NPAS1: variants seen among roughly 807,000 people sequenced by gnomAD.
NPAS1 encodes the protein neuronal PAS domain protein 1.
NPAS1 carries 29 observed loss-of-function variants against 49.2 expected under a neutral mutation model. The observed-to-expected ratio is 0.59, with a 90% confidence interval of 0.44 to 0.80. The LOEUF (loss-of-function observed/expected upper bound fraction) is 0.80. Ranked by LOEUF, NPAS1 falls within the 30% of genes least tolerant of loss-of-function variation. The probability of loss-of-function intolerance (pLI) is 0.00; values close to 1 mark genes in which losing one functional copy is unlikely to be tolerated. For synonymous variants in NPAS1, 408 were observed against 380.4 expected (o/e 1.07, Z -0.84); for missense variants, 825 against 835.5 (o/e 0.99, Z 0.15).
chr19:47,044,071 A>AATTT (rs146527620), intron 11 of NPAS1, among the ~76,000 whole-genome samples: 7,955 of 152,054 alleles, frequency 0.052, 645 homozygotes, highest in African/African-American at 0.18. Context: ...GTCTCAAACA[A>AATTT]ATTTATTTAT....
chr19:47,032,430 C>T, intron 4 of NPAS1, 79 bp downstream of exon 4: 1 of 1,459,912 alleles, frequency 6.8e-7, no homozygotes, highest in Non-Finnish European at 9.6e-7. Flanking sequence ...GCCTCTTCAG[C>T]ATCCATCTAT....
intron 3 of NPAS1, among the ~76,000 whole-genome samples, chr19:47,027,889 TG>T (rs2056884337): frequency 6.6e-6 from 1 of 151,924 alleles, no homozygotes; most frequent in Admixed American, 6.6e-5. Flanking sequence ...CTGCTGAATG[TG>T]GGGGACAGAG....
At chr19:47,045,101 G>A in intron 11 of NPAS1, 90 bp from the exon 12 acceptor site, 1 of 1,243,620 alleles carries the variant, frequency 8.0e-7, no homozygotes, top group Non-Finnish European at 1.1e-6. Context: ...GAGAACTACA[G>A]GTCTGGCCCA....
chr19:47,039,384 C>T, intron 7 of NPAS1, 23 bp from the exon 8 acceptor site: 2 of 1,611,096 alleles, frequency 1.2e-6, no homozygotes, highest in Non-Finnish European at 1.7e-6. Context: ...TGTCCCTCCT[C>T]CAACCATGCC....
At chr19:47,023,276 A>G (rs1280560338) in intron 3 of NPAS1, among the ~76,000 whole-genome samples, 1 of 151,434 alleles carries the variant, frequency 6.6e-6, no homozygotes, top group Non-Finnish European at 1.5e-5. Context: ...AGGGGGGGAA[A>G]GGGGGGGCTA....
chr19:47,044,255 T>A (rs923251175), intron 11 of NPAS1, among the ~76,000 whole-genome samples: 3 of 152,096 alleles, frequency 2.0e-5, no homozygotes, highest in Admixed American at 1.3e-4. Flanking sequence ...GTATTTTTAG[T>A]AGAGACAGTG....
intron 3 of NPAS1, among the ~76,000 whole-genome samples, chr19:47,030,636 CTTTTTTTTTTTTTTTTTTT>C (rs55931402): frequency 1.0e-5 from 1 of 96,788 alleles, no homozygotes; most frequent in Non-Finnish European, 2.0e-5. Context: ...GGCCCTTTGC[CTTTTTTTTTTTTTTTTTTT>C]TTTTTTTTTT....
chr19:47,032,877 A>G (rs2056917456), intron 5 of NPAS1, 145 bp downstream of exon 5: 1 of 636,736 alleles, frequency 1.6e-6, no homozygotes, highest in African/African-American at 1.8e-5. Context: ...GTTCCTTGGC[A>G]CCCCACATGG....
chr19:47,021,012 C>G lies in NPAS1; in HGVS notation c.-36C>G, dbSNP rs1011164907. Reference sequence around the variant, plus strand: ...TGGCCCCCTCCCGCTGCAGGAGACTCGGGGCTCGGAGCCCGCCTGAGCGAG... The same window carrying G: ...TGGCCCCCTCCCGCTGCAGGAGACTGGGGGCTCGGAGCCCGCCTGAGCGAG... On this transcript the variant is annotated 5_prime_UTR_variant, in exon 2 of 12. Transcript: ENST00000602212. The surrounding 1 kb of genome is among the most constrained non-coding windows in gnomAD (Gnocchi z 5.7). 6 of 1,568,622 alleles carry G rather than the reference C, an allele frequency of 3.8e-6. No homozygotes were observed. In the African/African-American group the frequency reaches 8.2e-5, roughly 21 times the overall value.
chr19:47,023,978 G>T (rs1420926695), intron 3 of NPAS1, among the ~76,000 whole-genome samples: 1 of 152,024 alleles, frequency 6.6e-6, no homozygotes, highest in Non-Finnish European at 1.5e-5. Context: ...GGTGGTGTGT[G>T]CCTGTAGTCC....
rs1294457512 is a variant in NPAS1, at chr19:47,041,028, G to A, written c.1120G>A (p.Ala374Thr). 1 of 1,568,358 alleles carries A rather than the reference G, an allele frequency of 6.4e-7. No individual in the cohort carries two copies. Among genetic ancestry groups the A allele is most frequent in the Non-Finnish European group, 8.6e-7 (1 of 1,159,672 alleles). Residue 374 changes from alanine (A) to threonine (T), a missense_variant, in exon 10 of 12, where the codon GCC (alanine) becomes ACC (threonine). Physicochemically the swap from Ala to Thr is moderately conservative, Grantham distance 58. Transcript: ENST00000602212. Reference protein sequence around the residue: ...MTGYYRWLQRAGGFVWLQSVA... With the variant: ...MTGYYRWLQRTGGFVWLQSVA... ...TGGTTACTACCGTTGGCTGCAGCGT[G>A]CCGGGGGCTTCGTGTGGCTGCAGTC...
In NPAS1 at chr19:47,040,880, T is replaced by C. The variant is rs540345728; in HGVS notation, c.1070-98T>C. ...CCCACCGTCTCCCTGCCCACTCCCC[T>C]GCTCTCACTCCTCCTGTCTCCTCCT... On this transcript the variant is annotated intron_variant, in intron 9 of 11. Coordinates refer to ENST00000602212, the MANE Select transcript of NPAS1 (RefSeq NM_002517.4). 156 of 1,048,966 alleles carry C rather than the reference T, an allele frequency of 1.5e-4. No homozygotes were observed. The Admixed American group carries it at 2.9e-3, about 20-fold the overall frequency. The allele number at this position is 1,048,966 out of a possible 1,614,324, so 65.0% of individuals were successfully genotyped here. A position where few individuals can be genotyped will look rare whatever the true frequency, so the allele number is the denominator to read the frequency against.
At chr19:47,023,051 C>T (rs1375879153) in intron 3 of NPAS1, among the ~76,000 whole-genome samples, 1 of 152,218 alleles carries the variant, frequency 6.6e-6, no homozygotes, top group Non-Finnish European at 1.5e-5. Flanking sequence ...CCCTCCTGCC[C>T]CGTCCCAGGG....
At chr19:47,023,055 C>G (rs1568499743) in intron 3 of NPAS1, among the ~76,000 whole-genome samples, 1 of 152,184 alleles carries the variant, frequency 6.6e-6, no homozygotes, top group African/African-American at 2.4e-5. Context: ...CCTGCCCCGT[C>G]CCAGGGGAAG....
At position 47,033,326 on chromosome 19, in the gene NPAS1, T is replaced by C. The variant is rs983452608; in HGVS notation, c.522+594T>C. Among the ~76,000 whole-genome samples, 6 of 150,650 alleles carry C rather than the reference T, an allele frequency of 4.0e-5. No individual in the cohort carries two copies. The East Asian group carries it at 1.2e-3, about 30-fold the overall frequency. ...TACGATCTCAGCTCACTGCAACCTC[T>C]GCCTCCTGGGTTCAAGCGATTCTCC... On this transcript the variant is annotated intron_variant, in intron 5 of 11. Transcript: ENST00000602212.
chr19:47,020,746 C>T, intron 1 of NPAS1: 1 of 181,576 alleles, frequency 5.5e-6, no homozygotes, highest in Non-Finnish European at 1.1e-5. Context: ...TATGCGGGAG[C>T]CGGCCCGGCG....
chr19:47,041,632 T>C (rs1244559985), intron 10 of NPAS1, among the ~76,000 whole-genome samples: 2 of 152,028 alleles, frequency 1.3e-5, no homozygotes, highest in Admixed American at 6.5e-5. Context: ...TGGGGAGTCA[T>C]AGAAAGCTTT....
chr19:47,024,898 C>T (rs1400194139), intron 3 of NPAS1, among the ~76,000 whole-genome samples: 2 of 132,826 alleles, frequency 1.5e-5, no homozygotes, highest in Non-Finnish European at 3.5e-5. Flanking sequence ...CAATCTCCGC[C>T]TCCTGGGTTC....
chr19:47,040,397 C>G, intron 8 of NPAS1, 47 bp from the exon 9 acceptor site: 1 of 1,357,554 alleles, frequency 7.4e-7, no homozygotes, highest in Non-Finnish European at 1.0e-6. Context: ...GCCTCTCCCC[C>G]AACCCCGTGG....
Sources: allele counts gnomAD v4.1 joint callset (sites outside exome capture counted in the v4.1 genomes callset), GRCh38; gene constraint gnomAD v4.1.1; non-coding constraint Gnocchi (gnomAD v3.1); transcripts MANE v1.5; gene names NCBI Gene and HGNC (gene_info 2026-07-23, HGNC 2026-07-21).